Variants in ZNF28 observed in about 807,000 individuals in gnomAD.
The protein encoded by ZNF28 is zinc finger protein KOX24.
A neutral mutation model predicts 7.2 loss-of-function variants in ZNF28; 5 were observed. The observed-to-expected ratio is 0.70, with a 90% confidence interval of 0.36 to 1.46. ZNF28 has a LOEUF of 1.46. ZNF28 is among the 40% of genes most tolerant of loss of function. ZNF28 has a pLI of 0.03. For synonymous variants in ZNF28, 288 were observed against 292.4 expected, an observed-to-expected ratio of 0.99 and a Z score of 0.15; for missense variants, 879 against 866.6, an observed-to-expected ratio of 1.01 and a Z score of -0.18.
intron 1 of ZNF28, among the ~76,000 whole-genome samples, chr19:52,820,243 G>C (rs1444831120): frequency 7.4e-6 from 1 of 134,970 alleles, no homozygotes; most frequent in Non-Finnish European, 1.5e-5. Context: ...TCAGCCTCCC[G>C]AGTAGCTGGG....
Position 52,818,023 on chromosome 19 carries a change from A to G in ZNF28, c.-65T>C. Reference sequence around the variant, plus strand: ...TTCCTCACGTACCAAGATTCTTTAGAAGTCAATCCTGAATGTTAAAAATAT... The same window carrying G: ...TTCCTCACGTACCAAGATTCTTTAGGAGTCAATCCTGAATGTTAAAAATAT... On this transcript the variant is annotated 5_prime_UTR_variant, in exon 2 of 4. Coordinates refer to ENST00000457749, the MANE Select transcript of ZNF28 (RefSeq NM_006969.5). 1 of 1,605,290 alleles carries G rather than the reference A, an allele frequency of 6.2e-7. No homozygotes were observed.
intron 2 of ZNF28, among the ~76,000 whole-genome samples, chr19:52,809,575 A>G (rs1486143998): frequency 6.6e-6 from 1 of 152,202 alleles, no homozygotes; most frequent in Non-Finnish European, 1.5e-5. Flanking sequence ...TAAGAGGTCA[A>G]GGCGGGTGAA....
chr19:52,799,270 A>G lies in ZNF28; in HGVS notation c.*418T>C. 1 of 420,642 alleles carries G rather than the reference A, an allele frequency of 2.4e-6. No individual in the cohort carries two copies. 26.1% of individuals were successfully genotyped at this position (420,642 alleles called of 1,614,324 possible). ...GTGTTGCCACACTCATCACATTTGTAAGGTTTCTCTCCAGTTTGAATTCTA... is the reference window on the plus strand; with the variant it reads ...GTGTTGCCACACTCATCACATTTGTGAGGTTTCTCTCCAGTTTGAATTCTA... On this transcript the variant is annotated 3_prime_UTR_variant, in exon 4 of 4. Coordinates refer to ENST00000457749, the MANE Select transcript of ZNF28 (RefSeq NM_006969.5).
intron 1 of ZNF28, 136 bp from the exon 2 acceptor site, chr19:52,818,167 A>G: frequency 1.1e-6 from 1 of 946,598 alleles, no homozygotes; most frequent in South Asian, 1.8e-5. Flanking sequence ...CGAACAAAAA[A>G]TTCCTACAGG....
intron 2 of ZNF28, among the ~76,000 whole-genome samples, chr19:52,812,747 C>CCCTCT (rs2063069243): frequency 2.0e-5 from 2 of 99,632 alleles, no homozygotes; most frequent in Admixed American, 1.1e-4. Context: ...GCGAGAAACA[C>CCCTCT]CCAAGAATGA....
chr19:52,809,955 G>T, intron 2 of ZNF28: 1 of 813,974 alleles, frequency 1.2e-6, no homozygotes, highest in Non-Finnish European at 2.1e-6. Flanking sequence ...GGGGGGCGCA[G>T]GGGACGATGG....
At chr19:52,803,982 T>C (rs1317723447) in intron 3 of ZNF28, among the ~76,000 whole-genome samples, 1 of 152,156 alleles carries the variant, frequency 6.6e-6, no homozygotes, top group Non-Finnish European at 1.5e-5. Context: ...GATAAATAAC[T>C]ACTTCTCAAA....
At chr19:52,811,443 C>T (rs983629197) in intron 2 of ZNF28, among the ~76,000 whole-genome samples, 17 of 139,612 alleles carry the variant, frequency 1.2e-4, no homozygotes, top group Middle Eastern at 8.4e-3. Context: ...ATCTAGGAAG[C>T]GAGGAGCGCC....
intron 3 of ZNF28, chr19:52,806,080 A>AT (rs1207402560): frequency 6.6e-6 from 1 of 152,242 alleles, no homozygotes; most frequent in South Asian, 2.1e-4. Context: ...AATAAAAGGC[A>AT]TGAAAAACAC....
Position 52,807,993 on chromosome 19 carries a change from G to A in ZNF28, c.142+14C>T, listed in dbSNP as rs772407049. ...AAGATACACAAGGGCACATCCCCAG[G>A]AGGTTATCCTCACCCAGGGAGACCA... is the stretch of plus-strand genomic sequence containing the variant. On this transcript the variant is annotated intron_variant, in intron 3 of 3. Coordinates refer to ENST00000457749, the MANE Select transcript of ZNF28 (RefSeq NM_006969.5). 4 of 1,612,806 alleles carry A rather than the reference G, an allele frequency of 2.5e-6. No individual in the cohort carries two copies. Among genetic ancestry groups the A allele is most frequent in the Non-Finnish European group, 3.4e-6 (4 of 1,179,204 alleles).
chr19:52,815,951 T>TA (rs533375528), intron 2 of ZNF28, among the ~76,000 whole-genome samples: 10 of 146,068 alleles, frequency 6.8e-5, no homozygotes, highest in South Asian at 4.5e-4. Flanking sequence ...AAACGTAAAG[T>TA]AAAAAAAAAT....
In ZNF28 at chr19:52,799,079, T is replaced by G. The variant is rs1163042118; in HGVS notation, c.*609A>C. 4.5e-6 allele frequency: 2 copies of G among 442,002 alleles called. No homozygotes were observed. Among genetic ancestry groups the G allele is most frequent in the Non-Finnish European group, 8.6e-6 (2 of 231,652 alleles). The allele number at this position is 442,002 out of a possible 1,614,324, so 27.4% of individuals were successfully genotyped here. On this transcript the variant is annotated 3_prime_UTR_variant, in exon 4 of 4. Transcript: ENST00000457749. Reference sequence around the variant, plus strand: ...CAAGCTGTGATTTGTGACTGACAACTTTGTCACAGTCTTCACATTTGTAAG... The same window carrying G: ...CAAGCTGTGATTTGTGACTGACAACGTTGTCACAGTCTTCACATTTGTAAG...
chr19:52,813,813 G>A (rs114158003), intron 2 of ZNF28, among the ~76,000 whole-genome samples: 2,051 of 146,448 alleles, frequency 0.014, 365 homozygotes, highest in African/African-American at 0.051. Flanking sequence ...GTTTTGGGGG[G>A]TTTAGAGGTG....
chr19:52,812,570 T>C (rs1204678896), intron 2 of ZNF28, among the ~76,000 whole-genome samples: 1 of 125,022 alleles, frequency 8.0e-6, no homozygotes, highest in African/African-American at 3.3e-5. Flanking sequence ...GAAGGCAGCA[T>C]GCTCCTTAAG....
At chr19:52,819,786 A>G (rs1330336015) in intron 1 of ZNF28, among the ~76,000 whole-genome samples, 3 of 143,746 alleles carry the variant, frequency 2.1e-5, no homozygotes, top group Non-Finnish European at 3.0e-5. Context: ...GGTTCTGATG[A>G]AATTGACTCC....
At position 52,809,934 on chromosome 19, in the gene ZNF28, G is replaced by A. The variant is rs1204029842; in HGVS notation, c.16-1801C>T. On this transcript the variant is annotated intron_variant, in intron 2 of 3. Transcript: ENST00000457749. ...GCCCGGGGCCGGTGGGGAGGCCGGG[G>A]AGGTTGCCCCGGGGGGCGCAGGGGA... The A allele has an allele frequency of 4.7e-6, 4 of 859,892 alleles. No individual in the cohort carries two copies. The Admixed American group carries it at 6.0e-5, about 13-fold the overall frequency. 53.3% of individuals were successfully genotyped at this position (859,892 alleles called of 1,614,324 possible).
Position 52,801,685 on chromosome 19 carries a change from T to C in ZNF28, c.160A>G (p.Met54Val). The change falls in exon 4 of 4, where the codon ATG becomes GTG. Residue 54 changes from methionine (M) to valine (V), a missense_variant. Coordinates refer to ENST00000457749, the MANE Select transcript of ZNF28 (RefSeq NM_006969.5). ...CCTGTTGAGAAGAATGTCTTCATCA[T>C]GCATTTGGAAGAGATATCTACAAAA... ...LVSLDISSKC[M>V]MKTFFSTGQG... 6.2e-7 allele frequency: 1 copy of C among 1,611,608 alleles called. No homozygotes were observed. The highest frequency in any genetic ancestry group is 8.5e-7 in the Non-Finnish European group (1 of 1,178,986).
At chr19:52,810,082 G>C (rs2062998071) in intron 2 of ZNF28, 9 of 767,068 alleles carry the variant, frequency 1.2e-5, no homozygotes, top group South Asian at 2.9e-5. Flanking sequence ...CCTGGGCCTC[G>C]TTCAGGAGCC....
chr19:52,816,384 G>C (rs114425205), intron 2 of ZNF28, among the ~76,000 whole-genome samples: 9,293 of 146,004 alleles, frequency 0.064, 1,332 homozygotes, highest in African/African-American at 0.13. Context: ...AGCCAGGCAA[G>C]CCGGGCGCGG....
Sources: gnomAD v4.1 joint callset for allele counts (sites outside exome capture counted in the v4.1 genomes callset) on GRCh38, gnomAD v4.1.1 for gene constraint, MANE v1.5 for transcripts, NCBI Gene and HGNC (gene_info 2026-07-23, HGNC 2026-07-21) for gene names.